The following UBE2Z variants were observed in gnomAD, a reference collection of about 807,000 sequenced individuals.
UBE2Z encodes the protein ubiquitin-conjugating enzyme E2 Z.
A neutral mutation model predicts 32.6 loss-of-function variants in UBE2Z; 10 were observed. The observed-to-expected ratio is 0.31, with a 90% confidence interval of 0.19 to 0.52. The LOEUF is 0.52. Ranked by LOEUF, UBE2Z falls within the 20% of genes least tolerant of loss-of-function variation. UBE2Z has a pLI of 0.97. For synonymous variants in UBE2Z, 183 were observed against 190.8 expected (o/e 0.96, Z 0.34); for missense variants, 343 against 480.9 (o/e 0.71, Z 2.68).
At chr17:48,912,570 T>G (rs984467346) in intron 2 of UBE2Z, 4 of 433,058 alleles carry the variant, frequency 9.2e-6, no homozygotes, top group Non-Finnish European at 1.7e-5. Context: ...TGATTTTGAC[T>G]AGATTCAGTT....
Position 48,912,717 on chromosome 17 carries a change from AAC to A in UBE2Z, c.391-115_391-114del. ...TTCCTTCTGCATGGTGAGGATATAG[AAC>A]ATGTGTACCAGATTATGGACTCTGC... is the stretch of plus-strand genomic sequence containing the variant. On this transcript the variant is annotated intron_variant, in intron 2 of 6. Coordinates refer to ENST00000360943, the MANE Select transcript of UBE2Z (RefSeq NM_023079.5). 4.7e-6 allele frequency: 5 copies of A among 1,059,684 alleles called. No homozygotes were observed. The Admixed American group carries it at 1.0e-4, about 21-fold the overall frequency. The allele number at this position is 1,059,684 out of a possible 1,614,324, so 65.6% of individuals were successfully genotyped here. A position where few individuals can be genotyped will look rare whatever the true frequency, so the allele number is the denominator to read the frequency against.
intron 5 of UBE2Z, among the ~76,000 whole-genome samples, chr17:48,921,800 G>A (rs2040760750): frequency 6.6e-6 from 1 of 151,998 alleles, no homozygotes; most frequent in African/African-American, 2.4e-5. Context: ...AGGCTGAGGC[G>A]GGAGGATCAC....
chr17:48,921,098 C>A, intron 4 of UBE2Z, 62 bp from the exon 5 acceptor site: 1 of 1,376,478 alleles, frequency 7.3e-7, no homozygotes, highest in Non-Finnish European at 1.0e-6. Flanking sequence ...TCTTGAAGTC[C>A]CTTCCCATTG....
In UBE2Z at chr17:48,908,732, G is replaced by T; in HGVS notation, c.229G>T (p.Ala77Ser). The T allele has an allele frequency of 6.8e-7, 1 of 1,466,476 alleles. No individual in the cohort carries two copies. The highest frequency in any genetic ancestry group is 9.0e-7 in the Non-Finnish European group (1 of 1,111,980). 90.8% of individuals were successfully genotyped at this position (1,466,476 alleles called of 1,614,324 possible). ...GLPPSAAAHG[A>S]ALLSHWDPTL... ...CCCGCCCTCAGCCGCTGCCCACGGG[G>T]CCGCGCTGCTTAGCCACTGGGACCC... Residue 77 changes from alanine to serine, a missense_variant, in exon 1 of 7, where the codon GCC becomes TCC. By Grantham distance (99) the Ala-to-Ser change is moderately conservative. Transcript: ENST00000360943.
intron 6 of UBE2Z, among the ~76,000 whole-genome samples, chr17:48,923,329 A>G (rs8070081): frequency 1.4e-5 from 1 of 69,668 alleles, no homozygotes; most frequent in Non-Finnish European, 4.3e-5. Context: ...TCAAAAAAAA[A>G]AAAAAAAAAA....
At chr17:48,908,887 C>T in intron 1 of UBE2Z, 67 bp downstream of exon 1, 19 of 1,103,734 alleles carry the variant, frequency 1.7e-5, no homozygotes, top group Non-Finnish European at 2.2e-5. Context: ...CCCCCACCCT[C>T]TCCCACTACA....
chr17:48,909,894 G>T (rs1353598764), intron 1 of UBE2Z, among the ~76,000 whole-genome samples: 1 of 152,092 alleles, frequency 6.6e-6, no homozygotes, highest in Non-Finnish European at 1.5e-5. Flanking sequence ...TGTGTGTAAA[G>T]TACCTGGCAC....
intron 4 of UBE2Z, among the ~76,000 whole-genome samples, chr17:48,919,170 G>A (rs1280724534): frequency 1.3e-5 from 2 of 151,718 alleles, no homozygotes; most frequent in African/African-American, 4.8e-5. Context: ...ATTTTTAGTA[G>A]AGACGGGGTT....
chr17:48,908,650 G>T lies in UBE2Z; in HGVS notation c.147G>T (p.Ala49=), dbSNP rs2040647626. 8.2e-7 allele frequency: 1 copy of T among 1,222,080 alleles called. No individual in the cohort carries two copies. 75.7% of individuals were successfully genotyped at this position (1,222,080 alleles called of 1,614,324 possible). Residue 49 remains alanine, a synonymous_variant, in exon 1 of 7, where the codon GCG becomes GCT. Transcript: ENST00000360943. ...PPFLPDVWAA[A]AAAGGAGGPG... ...TCCTGCCGGATGTGTGGGCGGCGGC[G>T]GCGGCAGCGGGCGGGGCCGGGGGCC...
intron 4 of UBE2Z, among the ~76,000 whole-genome samples, chr17:48,920,217 G>A (rs908350933): frequency 2.0e-5 from 3 of 152,036 alleles, no homozygotes; most frequent in South Asian, 2.1e-4. Flanking sequence ...AAGACAAGCC[G>A]GGTGCGGTGG....
chr17:48,927,216 T>G lies in UBE2Z; in HGVS notation c.*82T>G. The G allele has an allele frequency of 7.0e-7, 1 of 1,426,784 alleles. No homozygotes were observed. The highest frequency in any genetic ancestry group is 9.6e-7 in the Non-Finnish European group (1 of 1,039,606). The allele number at this position is 1,426,784 out of a possible 1,614,324, so 88.4% of individuals were successfully genotyped here. On this transcript the variant is annotated 3_prime_UTR_variant, in exon 7 of 7. Coordinates refer to ENST00000360943, the MANE Select transcript of UBE2Z (RefSeq NM_023079.5). ...CCACCCCAGGGATGGAGAGGCACTG[T>G]GTATCTCCCTCCAGACTCGAAGTCA...
In UBE2Z at chr17:48,927,016, G is replaced by A; in HGVS notation, c.947G>A (p.Arg316His). 6.2e-7 allele frequency: 1 copy of A among 1,613,544 alleles called. No homozygotes were observed. The highest frequency in any genetic ancestry group is 8.5e-7 in the Non-Finnish European group (1 of 1,179,740). The change falls in exon 7 of 7, where the codon CGC becomes CAC. Residue 316 changes from arginine (R) to histidine (H), a missense_variant. Arg to His is a conservative substitution (Grantham distance 29, BLOSUM62 0). Coordinates refer to ENST00000360943, the MANE Select transcript of UBE2Z (RefSeq NM_023079.5). ...TTTGACTACCAGTCCCTCTTGATGC[G>A]CCTGGGACTGATACGTCAGAAAGTG... ...GHFDYQSLLM[R>H]LGLIRQKVLE...
intron 2 of UBE2Z, chr17:48,911,599 A>C (rs1422155350): frequency 6.6e-6 from 1 of 152,254 alleles, no homozygotes; most frequent in Non-Finnish European, 1.5e-5. Context: ...AATTTCTTAC[A>C]GTAAAAATTC....
chr17:48,918,688 A>T (rs2040737602), intron 4 of UBE2Z, among the ~76,000 whole-genome samples: 1 of 151,602 alleles, frequency 6.6e-6, no homozygotes, highest in South Asian at 2.1e-4. Flanking sequence ...CATTCATTTC[A>T]GGAGGAGAGT....
chr17:48,925,526 T>G (rs1197059377), intron 6 of UBE2Z, among the ~76,000 whole-genome samples: 1 of 152,204 alleles, frequency 6.6e-6, no homozygotes, highest in Non-Finnish European at 1.5e-5. Context: ...CAGGACTAAG[T>G]TGTCTCCTAA....
Position 48,928,963 on chromosome 17 carries a change from CAA to C in UBE2Z, c.*1831_*1832del, listed in dbSNP as rs893883757. ...GTTGAGGAAATATATGCACAGGAGT[CAA>C]AGAGATGTCTTTATATCTGACTGTA... On this transcript the variant is annotated 3_prime_UTR_variant, in exon 7 of 7. Coordinates refer to ENST00000360943, the MANE Select transcript of UBE2Z (RefSeq NM_023079.5). 6.6e-6 allele frequency: 1 copy of C among 152,604 alleles called. No individual in the cohort carries two copies. The highest frequency in any genetic ancestry group is 2.4e-5 in the African/African-American group (1 of 41,436). 9.5% of individuals were successfully genotyped at this position (152,604 alleles called of 1,614,324 possible).
rs138545057 is a variant in UBE2Z at position 48,916,160 on chromosome 17, C to G, written c.663C>G (p.Pro221=). 45 of 1,580,088 alleles carry G rather than the reference C, an allele frequency of 2.8e-5. No homozygotes were observed. The highest frequency in any genetic ancestry group is 1.7e-4 in the Middle Eastern group (1 of 5,988). The change falls in exon 4 of 7, where the codon CCC becomes CCG. Residue 221 remains proline, a synonymous_variant. Transcript: ENST00000360943. ...TCCAGTCCCTGATGACTGAGAACCC[C>G]TATCACAATGAGCCCGGCTTTGAAC... ...ISIQSLMTEN[P]YHNEPGFEQE...
At position 48,908,640 on chromosome 17, in the gene UBE2Z, GGGC is replaced by G. The variant is rs1035404625; in HGVS notation, c.150_152del (p.Ala52del). Reference sequence around the variant, plus strand: ...GGGCCGCCTTTCCTGCCGGATGTGTGGGCGGCGGCGGCGGCAGCGGGCGGGGCC... The same window carrying G: ...GGGCCGCCTTTCCTGCCGGATGTGTGGGCGGCGGCGGCAGCGGGCGGGGCC... On this transcript the variant is annotated inframe_deletion, in exon 1 of 7. Coordinates refer to ENST00000360943, the MANE Select transcript of UBE2Z (RefSeq NM_023079.5). 1.5e-5 allele frequency: 19 copies of G among 1,228,378 alleles called. No homozygotes were observed. The highest frequency in any genetic ancestry group is 4.3e-5 in the Admixed American group (1 of 23,024). The allele number at this position is 1,228,378 out of a possible 1,614,324, so 76.1% of individuals were successfully genotyped here. A position where few individuals can be genotyped will look rare whatever the true frequency, so the allele number is the denominator to read the frequency against.
chr17:48,912,831 C>T lies in UBE2Z; in HGVS notation c.391-3C>T. ...AATTTTGAGATGGGGTTTTATTTTG[C>T]AGATTCATGCATTGATCACAGGCCC... On this transcript the variant is annotated splice_region_variant and splice_polypyrimidine_tract_variant and intron_variant, in intron 2 of 6. Transcript: ENST00000360943. The T allele has an allele frequency of 6.2e-7, 1 of 1,612,900 alleles. No homozygotes were observed. Among genetic ancestry groups the T allele is most frequent in the Non-Finnish European group, 8.5e-7 (1 of 1,179,178 alleles).
Sources: gnomAD v4.1 joint callset for allele counts (sites outside exome capture counted in the v4.1 genomes callset) on GRCh38, gnomAD v4.1.1 for gene constraint, MANE v1.5 for transcripts, NCBI Gene and HGNC (gene_info 2026-07-23, HGNC 2026-07-21) for gene names.